The following SV2C variants were observed in gnomAD, a reference collection of about 807,000 sequenced individuals.
The protein encoded by SV2C is synaptic vesicle glycoprotein 2C.
A neutral mutation model predicts 79.7 loss-of-function variants in SV2C; 49 were observed. The observed-to-expected ratio is 0.61, with a 90% CI of 0.49 to 0.78. The LOEUF is 0.78. Among genes scored for constraint, SV2C ranks in the 30% least tolerant of loss-of-function variants. The pLI, the probability that SV2C is intolerant of heterozygous loss-of-function variation, is 0.00. For missense variants in SV2C, 833 were observed against 912.9 expected (o/e 0.91, Z 1.13); for synonymous variants, 334 against 333.2 (o/e 1.00, Z -0.03).
At chr5:76,053,049 C>T in the SV2C span, among the ~76,000 whole-genome samples, 11 of 151,462 alleles carry the variant, frequency 7.3e-5, no homozygotes, top group African/African-American at 2.7e-4. Flanking sequence ...TACCACACTC[C>T]GTATTCTGGC....
chr5:76,148,995 C>T (rs1561237482), intron 2 of SV2C, among the ~76,000 whole-genome samples: 2 of 152,212 alleles, frequency 1.3e-5, no homozygotes, highest in East Asian at 1.9e-4. Context: ...ATTCCAAGGT[C>T]GGGGTAGTTA....
chr5:75,880,898 C>T, the SV2C span, among the ~76,000 whole-genome samples: 2 of 152,108 alleles, frequency 1.3e-5, no homozygotes, highest in African/African-American at 4.8e-5. Context: ...TTAGTTGGCT[C>T]ATGGTTCTGC....
At chr5:76,092,445 G>A (rs1328298512) in intron 1 of SV2C, among the ~76,000 whole-genome samples, 2 of 152,010 alleles carry the variant, frequency 1.3e-5, no homozygotes, top group Admixed American at 1.3e-4. Context: ...AATTGCTTTG[G>A]TACTCAATAC....
intron 6 of SV2C, among the ~76,000 whole-genome samples, chr5:76,289,519 C>A (rs1425377255): frequency 6.6e-6 from 1 of 152,114 alleles, no homozygotes; most frequent in Non-Finnish European, 1.5e-5. Context: ...TCAGTAGGTA[C>A]CACAAGCACC....
downstream of SV2C, among the ~76,000 whole-genome samples, chr5:76,335,848 G>C (rs111324507): frequency 2.6e-5 from 4 of 152,132 alleles, no homozygotes; most frequent in African/African-American, 9.7e-5. Context: ...GCAACCATCC[G>C]ATTTCTCAAT....
Position 76,132,074 on chromosome 5 carries a change from A to T in SV2C, c.324A>T (p.Ser108=), listed in dbSNP as rs750486088. The change falls in exon 2 of 13, where the codon TCA becomes TCT. Residue 108 remains serine (S), a synonymous_variant. Transcript: ENST00000502798. ...SMNQAKDSIV[S]VGQPKGDEYK... ...ACCAAGCGAAGGACAGCATCGTGTC[A>T]GTGGGGCAGCCCAAGGGCGATGAGT... is the stretch of plus-strand genomic sequence containing the variant. 6.2e-7 allele frequency: 1 copy of T among 1,612,582 alleles called. No homozygotes were observed. Among genetic ancestry groups the T allele is most frequent in the African/African-American group, 1.3e-5 (1 of 75,028 alleles).
the SV2C span, among the ~76,000 whole-genome samples, chr5:75,887,643 T>C: frequency 7.8e-3 from 1,181 of 152,220 alleles, 18 homozygotes; most frequent in African/African-American, 0.027. Context: ...AATTGATATA[T>C]CATTAATATA....
chr5:76,229,892 A>G (rs779778641), intron 4 of SV2C, among the ~76,000 whole-genome samples: 7 of 152,216 alleles, frequency 4.6e-5, no homozygotes, highest in Non-Finnish European at 8.8e-5. Context: ...AGAACAATCA[A>G]TGATGCTTGT....
chr5:75,968,998 A>T, the SV2C span, among the ~76,000 whole-genome samples: 1 of 152,240 alleles, frequency 6.6e-6, no homozygotes, highest in Non-Finnish European at 1.5e-5. Flanking sequence ...TCTACAAGCC[A>T]GAAGAGAGTG....
At chr5:76,304,018 G>A (rs936976777) in intron 12 of SV2C, among the ~76,000 whole-genome samples, 3 of 152,196 alleles carry the variant, frequency 2.0e-5, no homozygotes, top group Admixed American at 2.0e-4. Flanking sequence ...AGCCTCAGAG[G>A]AGTCCTGTGT....
At chr5:76,236,770 T>C (rs933240162) in intron 4 of SV2C, among the ~76,000 whole-genome samples, 9 of 151,976 alleles carry the variant, frequency 5.9e-5, no homozygotes, top group Non-Finnish European at 1.2e-4. Flanking sequence ...ACACTGGGGG[T>C]CAAATTTCAA....
chr5:76,059,583 C>T, the SV2C span, among the ~76,000 whole-genome samples: 2 of 151,996 alleles, frequency 1.3e-5, no homozygotes, highest in South Asian at 4.2e-4. Flanking sequence ...CTTCAGGCTC[C>T]ACTTCTAATT....
chr5:75,964,225 T>G, the SV2C span, among the ~76,000 whole-genome samples: 1 of 152,168 alleles, frequency 6.6e-6, no homozygotes, highest in Non-Finnish European at 1.5e-5. Context: ...GAGGACTGAC[T>G]GGGAGCTCTG....
the SV2C span, among the ~76,000 whole-genome samples, chr5:75,996,487 G>A: frequency 1.3e-5 from 2 of 152,264 alleles, no homozygotes; most frequent in South Asian, 4.1e-4. Context: ...GGTTCCATAT[G>A]AACTTTAAAG....
At chr5:75,908,392 A>G in the SV2C span, among the ~76,000 whole-genome samples, 1 of 152,254 alleles carries the variant, frequency 6.6e-6, no homozygotes, top group Non-Finnish European at 1.5e-5. Context: ...ATGTATCAGT[A>G]CGTCATTCCT....
intron 3 of SV2C, among the ~76,000 whole-genome samples, chr5:76,202,759 A>G (rs1744492583): frequency 6.6e-6 from 1 of 152,214 alleles, no homozygotes; most frequent in Admixed American, 6.5e-5. Context: ...TGTAGCTACC[A>G]AGCACTTGAA....
intron 2 of SV2C, among the ~76,000 whole-genome samples, chr5:76,187,320 T>C (rs1177891017): frequency 6.6e-6 from 1 of 152,216 alleles, no homozygotes; most frequent in Non-Finnish European, 1.5e-5. Flanking sequence ...TCAGGAAAAC[T>C]GTCTTAGGCC....
rs139186484 is a variant in SV2C, at chr5:76,322,721, G to A, written c.2001-2643G>A. ...CCAATGGCACAGAACAGAGACCTCC[G>A]AAATAACACTACACATCTACAACCA... On this transcript the variant is annotated intron_variant, in intron 12 of 12. Transcript: ENST00000502798. 2.9e-4 allele frequency among the ~76,000 whole-genome samples: 44 copies of A among 152,200 alleles called. No individual in the cohort carries two copies. In the South Asian group the frequency reaches 5.0e-3, roughly 17 times the overall value.
At chr5:76,148,001 C>A (rs141222150) in intron 2 of SV2C, among the ~76,000 whole-genome samples, 4 of 152,092 alleles carry the variant, frequency 2.6e-5, no homozygotes, top group East Asian at 1.9e-4. Flanking sequence ...CTAATTCATT[C>A]TTTGATGTTT....
Sources: gnomAD v4.1 joint callset for allele counts (sites outside exome capture counted in the v4.1 genomes callset) on GRCh38, gnomAD v4.1.1 for gene constraint, MANE v1.5 for transcripts, NCBI Gene and HGNC (gene_info 2026-07-23, HGNC 2026-07-21) for gene names.